The following AFMID variants were observed in gnomAD, a reference collection of about 807,000 sequenced individuals.
The protein encoded by AFMID is arylformamidase, also known as kynurenine formamidase.
AFMID carries 39 observed loss-of-function variants against 47.5 expected under a neutral mutation model. That is an observed-to-expected ratio of 0.82 (90% CI 0.64 to 1.07). The LOEUF is 1.07. Among genes scored for constraint, AFMID ranks in the 50% least tolerant of loss-of-function variants. The pLI is 0.00. For synonymous variants in AFMID, 130 were observed against 153.2 expected, an observed-to-expected ratio of 0.85 and a Z score of 1.12; for missense variants, 375 against 387.5, an observed-to-expected ratio of 0.97 and a Z score of 0.27.
chr17:78,204,977 A>G (rs758448040), intron 6 of AFMID, 77 bp downstream of exon 6: 5 of 1,593,102 alleles, frequency 3.1e-6, no homozygotes, highest in Middle Eastern at 1.7e-4. Context: ...CCTAGGATAC[A>G]GCCAAGCTGC....
intron 2 of AFMID, among the ~76,000 whole-genome samples, chr17:78,199,015 T>C (rs2076181457): frequency 6.6e-6 from 1 of 152,206 alleles, no homozygotes; most frequent in South Asian, 2.1e-4. Flanking sequence ...ACTTAGTATT[T>C]CTTGGAGATG....
chr17:78,193,992 A>T (rs1368096392), intron 2 of AFMID, among the ~76,000 whole-genome samples: 2 of 149,332 alleles, frequency 1.3e-5, no homozygotes, highest in Non-Finnish European at 3.0e-5. Context: ...AAAAAAAAAA[A>T]TTTAAAAATT....
At chr17:78,195,191 TC>T (rs142518091) in intron 2 of AFMID, among the ~76,000 whole-genome samples, 39,697 of 150,156 alleles carry the variant, frequency 0.26, 5,269 homozygotes, top group Non-Finnish European at 0.28. Flanking sequence ...ACAGTTTCTT[TC>T]TTTTTTTTTT....
At chr17:78,197,115 G>C (rs565366618) in intron 2 of AFMID, 1 of 1,531,296 alleles carries the variant, frequency 6.5e-7, no homozygotes, top group South Asian at 1.2e-5. Flanking sequence ...TTTCTTAATC[G>C]TAGCACAACT....
At chr17:78,199,666 C>T (rs1008541245) in intron 2 of AFMID, among the ~76,000 whole-genome samples, 3 of 120,862 alleles carry the variant, frequency 2.5e-5, no homozygotes, top group Non-Finnish European at 4.8e-5. Flanking sequence ...CGCCGCCGCG[C>T]CCGGCCAGGC....
intron 10 of AFMID, among the ~76,000 whole-genome samples, chr17:78,206,697 CT>C (rs1365636382): frequency 6.7e-6 from 1 of 149,438 alleles, no homozygotes; most frequent in Non-Finnish European, 1.5e-5. Flanking sequence ...CCTACCCCCC[CT>C]TCTTCTTCTT....
At chr17:78,192,977 G>A (rs1045872137) in intron 2 of AFMID, among the ~76,000 whole-genome samples, 14 of 152,256 alleles carry the variant, frequency 9.2e-5, no homozygotes, top group African/African-American at 3.4e-4. Context: ...AGATTGGGGG[G>A]GAGCTGTTTC....
intron 1 of AFMID, among the ~76,000 whole-genome samples, chr17:78,189,759 A>C (rs770691635): frequency 6.6e-6 from 1 of 150,442 alleles, no homozygotes; most frequent in Non-Finnish European, 1.5e-5. Flanking sequence ...GACTCAAGTG[A>C]TCTGCCTATC....
chr17:78,193,320 G>A (rs1016189894), intron 2 of AFMID, among the ~76,000 whole-genome samples: 1 of 146,666 alleles, frequency 6.8e-6, no homozygotes, highest in Non-Finnish European at 1.5e-5. Flanking sequence ...GCAGTGAGCC[G>A]GGATCGCGCC....
intron 2 of AFMID, among the ~76,000 whole-genome samples, chr17:78,194,310 A>G (rs1364937084): frequency 3.9e-5 from 6 of 152,006 alleles, no homozygotes; most frequent in Non-Finnish European, 8.8e-5. Context: ...TTTTTAGTAG[A>G]GGCGGGGTTT....
chr17:78,202,995 C>T (rs1185978596), intron 4 of AFMID: 10 of 556,098 alleles, frequency 1.8e-5, no homozygotes, highest in Non-Finnish European at 2.6e-5. Context: ...TGCATAGCTC[C>T]AGCCTCTGCC....
intron 2 of AFMID, among the ~76,000 whole-genome samples, chr17:78,194,388 G>T (rs1010390335): frequency 1.3e-5 from 2 of 152,100 alleles, no homozygotes. Flanking sequence ...CAAAGTGCTG[G>T]GATTATAGGC....
At chr17:78,189,579 C>T (rs755290141) in intron 1 of AFMID, among the ~76,000 whole-genome samples, 21 of 148,996 alleles carry the variant, frequency 1.4e-4, no homozygotes, top group Non-Finnish European at 3.1e-4. Context: ...AGTGCAATGG[C>T]GCAATCTTGG....
intron 1 of AFMID, 125 bp downstream of exon 1, chr17:78,187,558 T>C: frequency 1.0e-6 from 1 of 986,782 alleles, no homozygotes; most frequent in East Asian, 2.5e-5. Context: ...GAGCGCCTAG[T>C]GCGTGCCAGG....
chr17:78,204,996 C>A, intron 6 of AFMID, 96 bp downstream of exon 6: 1 of 1,576,846 alleles, frequency 6.3e-7, no homozygotes. Flanking sequence ...GCCCCTCTGG[C>A]CTGTGGAGCA....
chr17:78,192,579 G>T (rs1415948638), intron 2 of AFMID: 2 of 468,844 alleles, frequency 4.3e-6, no homozygotes, highest in Non-Finnish European at 4.4e-6. Context: ...CTCCCAAAGT[G>T]CTGGGATTAC....
intron 1 of AFMID, 104 bp downstream of exon 1, chr17:78,187,537 G>A (rs575567079): frequency 1.6e-5 from 21 of 1,353,072 alleles, no homozygotes; most frequent in Non-Finnish European, 2.0e-5. Context: ...GAGCACTCCT[G>A]TGGGCATGCA....
Position 78,205,754 on chromosome 17 carries a change from G to A in AFMID, c.780+16G>A. 1.9e-6 allele frequency: 3 copies of A among 1,607,682 alleles called. No individual in the cohort carries two copies. The highest frequency in any genetic ancestry group is 2.2e-5 in the East Asian group (1 of 44,876). On this transcript the variant is annotated intron_variant, in intron 9 of 10. Coordinates refer to ENST00000409257, the MANE Select transcript of AFMID (RefSeq NM_001010982.5). ...GTTTTACCAGGTACTCCCAGTGCAG[G>A]TTTGTGGCCAGAGGTCGAGGGTCAT...
intron 2 of AFMID, among the ~76,000 whole-genome samples, chr17:78,198,856 T>G (rs1268301403): frequency 6.6e-6 from 1 of 152,050 alleles, no homozygotes; most frequent in East Asian, 1.9e-4. Context: ...ACAAGGCTTT[T>G]CAGTGAAATG....
Sources: allele counts gnomAD v4.1 joint callset (sites outside exome capture counted in the v4.1 genomes callset), GRCh38; gene constraint gnomAD v4.1.1; transcripts MANE v1.5; gene names NCBI Gene and HGNC (gene_info 2026-07-23, HGNC 2026-07-21).